Variants in FTO observed in about 807,000 individuals in gnomAD.
FTO encodes the protein FTO alpha-ketoglutarate dependent dioxygenase.
FTO carries 47 observed loss-of-function variants against 63.9 expected under a neutral mutation model. The ratio of observed to expected loss-of-function variants is 0.74; its 90% CI spans 0.58 to 0.94. The LOEUF (loss-of-function observed/expected upper bound fraction) is 0.94. Among genes scored for constraint, FTO ranks in the 40% least tolerant of loss-of-function variants. FTO has a pLI of 0.00. For synonymous variants in FTO, 207 were observed against 224.4 expected (o/e 0.92, Z 0.69); for missense variants, 562 against 618.1 (o/e 0.91, Z 0.96).
chr16:53,732,034 T>C (rs973414575), intron 1 of FTO, among the ~76,000 whole-genome samples: 4 of 142,706 alleles, frequency 2.8e-5, no homozygotes, highest in African/African-American at 1.0e-4. Flanking sequence ...GCCCTCATTG[T>C]GGCCTTATTT....
chr16:53,928,551 T>C (rs995879900), intron 7 of FTO, among the ~76,000 whole-genome samples: 10 of 152,216 alleles, frequency 6.6e-5, no homozygotes, highest in Admixed American at 6.5e-4. Context: ...AATGATTTCT[T>C]TTCACCCTAA....
At chr16:53,929,363 A>G (rs184621757) in intron 7 of FTO, among the ~76,000 whole-genome samples, 122 of 152,314 alleles carry the variant, frequency 8.0e-4, no homozygotes, top group Non-Finnish European at 1.5e-3. Flanking sequence ...GATGGCATAC[A>G]TCAGTTGCTC....
chr16:53,992,570 T>G (rs2083836213), intron 8 of FTO: 1 of 152,168 alleles, frequency 6.6e-6, no homozygotes, highest in Non-Finnish European at 1.5e-5. Context: ...CATTTCCATA[T>G]TCTGTGTGTG....
At chr16:53,945,773 T>C (rs528479846) in intron 8 of FTO, among the ~76,000 whole-genome samples, 25 of 152,344 alleles carry the variant, frequency 1.6e-4, no homozygotes, top group African/African-American at 5.3e-4. Context: ...CACCAAAGTT[T>C]AGCCTCCAAG....
intron 7 of FTO, among the ~76,000 whole-genome samples, chr16:53,910,869 C>T (rs900996088): frequency 1.8e-4 from 28 of 152,112 alleles, no homozygotes; most frequent in African/African-American, 3.9e-4. Context: ...TAGAATTCAC[C>T]ATCAGTCTGG....
In FTO at chr16:53,728,764, C is replaced by CTT. The variant is rs368270837; in HGVS notation, c.45+24550_45+24551dup. Among the ~76,000 whole-genome samples, 385 of 133,874 alleles carry CTT rather than the reference C, an allele frequency of 2.9e-3. 11 individuals carry two copies. Among genetic ancestry groups the CTT allele is most frequent in the South Asian group, 0.027 (110 of 4,120 alleles). 87.8% of individuals were successfully genotyped at this position (133,874 alleles called of 152,430 possible). A position where few individuals can be genotyped will look rare whatever the true frequency, so the allele number is the denominator to read the frequency against. ...TTCCAGACAAAAGGGGACCATACTT[C>CTT]TTTTTTTTTTTTTTTTGTCAGGGAG... On this transcript the variant is annotated intron_variant, in intron 1 of 8. Transcript: ENST00000471389.
chr16:54,075,824 G>A (rs1182098644), intron 8 of FTO, among the ~76,000 whole-genome samples: 3 of 152,180 alleles, frequency 2.0e-5, no homozygotes, highest in East Asian at 1.9e-4. Flanking sequence ...ATTTCTTTAA[G>A]CAGGGCAACA....
chr16:53,993,005 C>A (rs1215887014), intron 8 of FTO: 1 of 152,204 alleles, frequency 6.6e-6, no homozygotes, highest in African/African-American at 2.4e-5. Context: ...CCCGGCTTAG[C>A]CTGGGAATTT....
intron 7 of FTO, among the ~76,000 whole-genome samples, chr16:53,907,480 C>T (rs973016794): frequency 6.6e-6 from 1 of 152,166 alleles, no homozygotes. Context: ...TGTCGCTAAC[C>T]TGGCCAATGA....
At chr16:53,994,082 A>G (rs557630328) in intron 8 of FTO, 2 of 152,274 alleles carry the variant, frequency 1.3e-5, no homozygotes, top group South Asian at 4.2e-4. Context: ...TCTAACCTCT[A>G]AAGGAACTAG....
At chr16:54,049,005 T>TCTTTCATTCTTTCTTTCTTTTTTTCC (rs2085252164) in intron 8 of FTO, among the ~76,000 whole-genome samples, 1 of 152,156 alleles carries the variant, frequency 6.6e-6, no homozygotes, top group Non-Finnish European at 1.5e-5. Flanking sequence ...TTTTTTTTTC[T>TCTTTCATTCTTTCTTTCTTTTTTTCC]CTTTCATTCT....
At chr16:53,843,362 C>T (rs73617807) in intron 3 of FTO, among the ~76,000 whole-genome samples, 2,279 of 152,294 alleles carry the variant, frequency 0.015, 62 homozygotes, top group African/African-American at 0.052. Flanking sequence ...CTTACTAACA[C>T]TGTGTTGTTT....
chr16:54,091,931 G>C (rs1229415843), intron 8 of FTO, among the ~76,000 whole-genome samples: 4 of 152,204 alleles, frequency 2.6e-5, no homozygotes, highest in African/African-American at 9.7e-5. Context: ...GTGCCATCTG[G>C]CACATAGTAG....
At position 54,003,386 on chromosome 16, in the gene FTO, T is replaced by C. The variant is rs962589879; in HGVS notation, c.1364+69277T>C. ...AAAAAGTAATTTAATTTGTTTACAT[T>C]ACTTGTCATTATTGTCACCCACTTA... is the stretch of plus-strand genomic sequence containing the variant. On this transcript the variant is annotated intron_variant, in intron 8 of 8. Transcript: ENST00000471389. Among the ~76,000 whole-genome samples, 5 of 152,256 alleles carry C rather than the reference T, an allele frequency of 3.3e-5. No individual in the cohort carries two copies. The East Asian group carries it at 5.8e-4, about 18-fold the overall frequency.
intron 8 of FTO, 67 bp downstream of exon 8, chr16:53,934,176 T>C (rs2082338913): frequency 6.5e-7 from 1 of 1,549,312 alleles, no homozygotes; most frequent in African/African-American, 1.4e-5. Context: ...GCCAAGCCCT[T>C]CCTTATGGCT....
At chr16:54,023,216 G>T (rs970048345) in intron 8 of FTO, among the ~76,000 whole-genome samples, 1 of 152,138 alleles carries the variant, frequency 6.6e-6, no homozygotes, top group Non-Finnish European at 1.5e-5. Flanking sequence ...ATGCTTGAGT[G>T]GGTTTTGTAT....
Position 53,969,328 on chromosome 16 carries a change from C to A in FTO, c.1364+35219C>A, listed in dbSNP as rs765397200. Among the ~76,000 whole-genome samples, 3 of 152,102 alleles carry A rather than the reference C, an allele frequency of 2.0e-5. No homozygotes were observed. The East Asian group carries it at 5.8e-4, about 29-fold the overall frequency. On this transcript the variant is annotated intron_variant, in intron 8 of 8. Coordinates refer to ENST00000471389, the MANE Select transcript of FTO (RefSeq NM_001080432.3). ...CTTGCCTGAATAACAGTTTCCCAAG[C>A]CTTAGGAAACAGGTAAGGACATTCG...
At chr16:53,965,305 A>T (rs1469448345) in intron 8 of FTO, among the ~76,000 whole-genome samples, 1 of 152,088 alleles carries the variant, frequency 6.6e-6, no homozygotes, top group Non-Finnish European at 1.5e-5. Flanking sequence ...TGAACTCCTG[A>T]CCTTGTGATC....
intron 3 of FTO, among the ~76,000 whole-genome samples, chr16:53,836,038 G>T (rs773179358): frequency 1.3e-5 from 2 of 151,862 alleles, no homozygotes; most frequent in Non-Finnish European, 2.9e-5. Flanking sequence ...TTACAGGCGC[G>T]GGCCACCATG....
Sources: gnomAD v4.1 joint callset for allele counts (sites outside exome capture counted in the v4.1 genomes callset) on GRCh38, gnomAD v4.1.1 for gene constraint, MANE v1.5 for transcripts, NCBI Gene and HGNC (gene_info 2026-07-23, HGNC 2026-07-21) for gene names.